Variants in VPS13A observed in about 807,000 individuals in gnomAD.
VPS13A encodes intermembrane lipid transfer protein VPS13A.
A neutral mutation model predicts 390.9 loss-of-function variants in VPS13A; 264 were observed. The observed-to-expected ratio is 0.68, with a 90% CI of 0.61 to 0.75. The LOEUF (loss-of-function observed/expected upper bound fraction) is 0.75, where lower values mean the gene tolerates loss of function less well. Ranked by LOEUF, VPS13A falls within the 30% of genes least tolerant of loss-of-function variation. The pLI is 0.00. For missense variants in VPS13A, 3,409 were observed against 3,733.9 expected, an observed-to-expected ratio of 0.91 and a Z score of 2.27; for synonymous variants, 1,231 against 1,227.1, an observed-to-expected ratio of 1.00 and a Z score of -0.07.
intron 68 of VPS13A, chr9:77,390,190 C>T (rs1430397684): frequency 3.1e-5 from 26 of 827,184 alleles, no homozygotes; most frequent in Admixed American, 6.2e-5. Flanking sequence ...CTTCACTCTT[C>T]ATTTTATAGC....
chr9:77,248,221 C>CT (rs573817659), intron 20 of VPS13A, among the ~76,000 whole-genome samples: 92 of 143,100 alleles, frequency 6.4e-4, no homozygotes, highest in East Asian at 3.0e-3. Flanking sequence ...TTTTTTCTTT[C>CT]TTTTTTTTTT....
chr9:77,342,914 A>T (rs531408094), intron 50 of VPS13A, among the ~76,000 whole-genome samples: 4 of 152,316 alleles, frequency 2.6e-5, no homozygotes, highest in African/African-American at 7.2e-5. Flanking sequence ...GGAAACCTTG[A>T]ACAAAGTGTC....
Position 77,317,753 on chromosome 9 carries a change from G to A in VPS13A, c.4956+55G>A, listed in dbSNP as rs1829488054. On this transcript the variant is annotated intron_variant, in intron 40 of 71. Transcript: ENST00000360280. The stretch of plus-strand genomic sequence containing the variant: ...TAGTGCACTTAAAAAAAGTAGTAAA[G>A]CCTAGAAAGTTATTATAGCAAGTCT... 4 of 1,349,292 alleles carry A rather than the reference G, an allele frequency of 3.0e-6. No homozygotes were observed. The South Asian group carries it at 4.3e-5, about 14-fold the overall frequency. The allele number at this position is 1,349,292 out of a possible 1,614,324, so 83.6% of individuals were successfully genotyped here.
chr9:77,273,158 C>T (rs1826444844), intron 23 of VPS13A, 122 bp from the exon 24 acceptor site: 2 of 720,898 alleles, frequency 2.8e-6, no homozygotes, highest in South Asian at 1.8e-5. Context: ...ATTATCTTCT[C>T]AGTTAATTCA....
intron 1 of VPS13A, among the ~76,000 whole-genome samples, chr9:77,182,681 C>A (rs1824094056): frequency 6.6e-6 from 1 of 152,026 alleles, no homozygotes; most frequent in Non-Finnish European, 1.5e-5. Context: ...CTTCATAGCC[C>A]CTTCTTAAGT....
chr9:77,221,131 A>ACT, intron 12 of VPS13A, 54 bp from the exon 13 acceptor site: 3 of 1,530,062 alleles, frequency 2.0e-6, no homozygotes, highest in Non-Finnish European at 2.7e-6. Flanking sequence ...CAATGTCAGT[A>ACT]ATGTTTCATA....
In VPS13A at chr9:77,238,013, A is replaced by G; in HGVS notation, c.1607A>G (p.Lys536Arg). The G allele has an allele frequency of 6.2e-7, 1 of 1,609,632 alleles. No homozygotes were observed. Among genetic ancestry groups the G allele is most frequent in the Non-Finnish European group, 8.5e-7 (1 of 1,176,962 alleles). ...TTTTTTTAATGCAGATTTGAAACTAAAATAGATTCATTTCATATTACTGGC... is the reference window on the plus strand; with the variant it reads ...TTTTTTTAATGCAGATTTGAAACTAGAATAGATTCATTTCATATTACTGGC... The part of the protein sequence containing the change: ...PGAQAIKFET[K>R]IDSFHITGLP... The change falls in exon 18 of 72, where the codon AAA becomes AGA. Residue 536 changes from lysine (K) to arginine (R), a missense_variant. Coordinates refer to ENST00000360280, the MANE Select transcript of VPS13A (RefSeq NM_033305.3).
At chr9:77,362,625 G>A (rs560431864) in intron 59 of VPS13A, among the ~76,000 whole-genome samples, 1 of 152,158 alleles carries the variant, frequency 6.6e-6, no homozygotes, top group Non-Finnish European at 1.5e-5. Context: ...ATGAATTTTA[G>A]AATCAACTTG....
intron 67 of VPS13A, among the ~76,000 whole-genome samples, chr9:77,377,573 A>C (rs911397617): frequency 6.6e-6 from 1 of 151,966 alleles, no homozygotes; most frequent in African/African-American, 2.4e-5. Context: ...GTTTTTCTTT[A>C]TATTTGAGTT....
intron 50 of VPS13A, among the ~76,000 whole-genome samples, chr9:77,342,761 T>G (rs1367763650): frequency 6.6e-6 from 1 of 152,106 alleles, no homozygotes; most frequent in Non-Finnish European, 1.5e-5. Flanking sequence ...ACACTTCTGG[T>G]ACCAAGCATC....
At position 77,238,285 on chromosome 9, in the gene VPS13A, G is replaced by A; in HGVS notation, c.1799G>A (p.Ser600Asn). The A allele has an allele frequency of 6.2e-7, 1 of 1,613,774 alleles. No individual in the cohort carries two copies. Among genetic ancestry groups the A allele is most frequent in the Middle Eastern group, 1.7e-4 (1 of 6,056 alleles). ...EIIYDARTVN[S>N]IVEFFRPPKE... ...TTATTTTAACAGAGGACAGTGAATA[G>A]TATAGTGGAATTCTTCAGACCTCCA... The change falls in exon 19 of 72, where the codon AGT becomes AAT. Residue 600 changes from serine (S) to asparagine (N), a missense_variant. Transcript: ENST00000360280.
intron 68 of VPS13A, among the ~76,000 whole-genome samples, chr9:77,386,683 A>T (rs1190979708): frequency 6.6e-6 from 1 of 150,614 alleles, no homozygotes; most frequent in African/African-American, 2.4e-5. Context: ...GCCCTTAGAG[A>T]TGAGATGTGC....
intron 19 of VPS13A, among the ~76,000 whole-genome samples, chr9:77,244,703 AT>A (rs143141642): frequency 0.054 from 8,292 of 152,248 alleles, 333 homozygotes; most frequent in Middle Eastern, 0.12. Context: ...GCAAAGGAAA[AT>A]CATTTAAGCA....
chr9:77,366,233 C>T (rs1832422059), intron 60 of VPS13A, among the ~76,000 whole-genome samples: 1 of 151,960 alleles, frequency 6.6e-6, no homozygotes, highest in Non-Finnish European at 1.5e-5. Context: ...CTCAAAACAG[C>T]TGGGCAAAAT....
chr9:77,411,660 C>CAAAAACAAAAA (rs1834930696), intron 71 of VPS13A, among the ~76,000 whole-genome samples: 1 of 33,932 alleles, frequency 2.9e-5, no homozygotes, highest in African/African-American at 1.2e-4. Flanking sequence ...AACTCCATCT[C>CAAAAACAAAAA]AAAAAAAAAA....
chr9:77,333,425 C>CTTTT (rs1830378868), intron 46 of VPS13A, among the ~76,000 whole-genome samples: 3 of 113,014 alleles, frequency 2.7e-5, no homozygotes, highest in African/African-American at 6.3e-5. Flanking sequence ...TCTCATTAGG[C>CTTTT]ATTTTTTTTT....
intron 12 of VPS13A, among the ~76,000 whole-genome samples, chr9:77,220,898 CA>C (rs1244548541): frequency 6.6e-6 from 1 of 151,998 alleles, no homozygotes; most frequent in East Asian, 1.9e-4. Context: ...AGTTATTATT[CA>C]GATGACTAAA....
intron 67 of VPS13A, among the ~76,000 whole-genome samples, chr9:77,381,324 G>A (rs535225831): frequency 1.3e-5 from 2 of 152,098 alleles, no homozygotes; most frequent in East Asian, 1.9e-4. Flanking sequence ...GCCCAGGATT[G>A]GGGTATGTGT....
intron 44 of VPS13A, 28 bp downstream of exon 44, chr9:77,321,774 G>A: frequency 6.2e-7 from 1 of 1,610,778 alleles, no homozygotes; most frequent in Non-Finnish European, 8.5e-7. Context: ...TACCTTCCTG[G>A]GGCTATTTTG....
Sources: allele counts gnomAD v4.1 joint callset (sites outside exome capture counted in the v4.1 genomes callset), GRCh38; gene constraint gnomAD v4.1.1; transcripts MANE v1.5; gene names NCBI Gene and HGNC (gene_info 2026-07-23, HGNC 2026-07-21).